CSGALNACT1: variants seen among roughly 807,000 people sequenced by gnomAD.
CSGALNACT1 encodes the protein chondroitin sulfate N-acetylgalactosaminyltransferase 1.
In CSGALNACT1, 52 loss-of-function variants were observed where a neutral mutation model predicts 51.0. The ratio of observed to expected loss-of-function variants is 1.02; its 90% CI spans 0.82 to 1.29. The LOEUF is 1.29. Among genes scored for constraint, CSGALNACT1 ranks in the 50% most tolerant of loss-of-function variants. CSGALNACT1 has a pLI of 0.00. For synonymous variants in CSGALNACT1, 341 were observed against 254.4 expected, an observed-to-expected ratio of 1.34 and a Z score of -3.24; for missense variants, 935 against 679.2, an observed-to-expected ratio of 1.38 and a Z score of -4.19.
chr8:19,605,403 T>C (rs1334411717), upstream of CSGALNACT1, among the ~76,000 whole-genome samples: 1 of 152,198 alleles, frequency 6.6e-6, no homozygotes, highest in African/African-American at 2.4e-5. Context: ...GCCACTGCAC[T>C]CCAGCCTGGG....
intron 4 of CSGALNACT1, among the ~76,000 whole-genome samples, chr8:19,497,820 A>G (rs957720024): frequency 2.0e-5 from 3 of 152,118 alleles, no homozygotes; most frequent in African/African-American, 7.2e-5. Context: ...CCCTGAGATA[A>G]ATGCATATCT....
At chr8:19,570,134 G>T (rs1286686401) in intron 3 of CSGALNACT1, among the ~76,000 whole-genome samples, 2 of 151,320 alleles carry the variant, frequency 1.3e-5, no homozygotes, top group East Asian at 1.9e-4. Flanking sequence ...ATCTTGATTT[G>T]TGTGGTGATT....
intron 3 of CSGALNACT1, among the ~76,000 whole-genome samples, chr8:19,534,313 G>A (rs2083341091): frequency 6.6e-6 from 1 of 152,030 alleles, no homozygotes; most frequent in South Asian, 2.1e-4. Context: ...AATTAGCCAG[G>A]TGTGGCAGGT....
chr8:19,747,745 A>T lies in CSGALNACT1; in HGVS notation c.-297+10105T>A, dbSNP rs190536148. 6.6e-5 allele frequency among the ~76,000 whole-genome samples: 10 copies of T among 152,242 alleles called. No homozygotes were observed. In the East Asian group the frequency reaches 1.7e-3, roughly 26 times the overall value. On this transcript the variant is annotated intron_variant, in intron 1 of 1. Coordinates refer to the CSGALNACT1 transcript ENST00000517494. ...CAGGGCTACAGAGTGAGTCAGCTACAGAGCTCTGTCTCCACCAAGCTAGTT... is the reference window on the plus strand; with the variant it reads ...CAGGGCTACAGAGTGAGTCAGCTACTGAGCTCTGTCTCCACCAAGCTAGTT...
intron 1 of CSGALNACT1, among the ~76,000 whole-genome samples, chr8:19,636,095 T>C (rs147619316): frequency 1.2e-3 from 177 of 152,310 alleles, no homozygotes; most frequent in Non-Finnish European, 2.2e-3. Context: ...TATGCCGTAG[T>C]CCCGCTTATC....
intron 6 of CSGALNACT1, among the ~76,000 whole-genome samples, chr8:19,431,232 G>C (rs1392309179): frequency 1.3e-5 from 2 of 152,174 alleles, no homozygotes; most frequent in East Asian, 3.9e-4. Flanking sequence ...AGACACCTTT[G>C]TCTTGTTCTT....
chr8:19,748,839 C>T (rs1471075218), intron 1 of CSGALNACT1, among the ~76,000 whole-genome samples: 2 of 152,008 alleles, frequency 1.3e-5, no homozygotes, highest in Non-Finnish European at 2.9e-5. Context: ...GTGGCGAGTG[C>T]CTGTAATCCC....
At chr8:19,505,311 T>A (rs1206089672) in exon 4 of CSGALNACT1, 1 of 1,614,190 alleles carries the variant, frequency 6.2e-7, no homozygotes, top group Non-Finnish European at 8.5e-7. Flanking sequence ...ATCCCGCTTG[T>A]CCTTCCTCAC....
At chr8:19,446,800 C>A (rs1042950552) in intron 5 of CSGALNACT1, among the ~76,000 whole-genome samples, 1 of 152,134 alleles carries the variant, frequency 6.6e-6, no homozygotes, top group Non-Finnish European at 1.5e-5. Flanking sequence ...AGGTGTGAGC[C>A]GCCATGTCCG....
At chr8:19,555,780 G>A (rs2089569227) in intron 3 of CSGALNACT1, among the ~76,000 whole-genome samples, 1 of 152,092 alleles carries the variant, frequency 6.6e-6, no homozygotes, top group Non-Finnish European at 1.5e-5. Context: ...TTAATTGCCT[G>A]TGCCTAAAAA....
chr8:19,523,784 G>T (rs561546815), intron 3 of CSGALNACT1, among the ~76,000 whole-genome samples: 1 of 152,172 alleles, frequency 6.6e-6, no homozygotes, highest in Non-Finnish European at 1.5e-5. Context: ...CAGGGTAATG[G>T]GGAGTGGCAA....
At chr8:19,486,930 C>G (rs548588872) in intron 4 of CSGALNACT1, among the ~76,000 whole-genome samples, 1 of 152,158 alleles carries the variant, frequency 6.6e-6, no homozygotes, top group Admixed American at 6.5e-5. Flanking sequence ...GAAAAGGTAA[C>G]CAAAAAGGCT....
At chr8:19,503,632 G>C (rs2076795164) in intron 4 of CSGALNACT1, among the ~76,000 whole-genome samples, 1 of 151,736 alleles carries the variant, frequency 6.6e-6, no homozygotes, top group African/African-American at 2.4e-5. Flanking sequence ...TAATACATGT[G>C]GAAATGCTTT....
At chr8:19,630,924 C>T (rs1014486561) in intron 1 of CSGALNACT1, among the ~76,000 whole-genome samples, 6 of 152,050 alleles carry the variant, frequency 3.9e-5, no homozygotes, top group Non-Finnish European at 8.8e-5. Context: ...ATCTTGTATC[C>T]GTTTGGTACA....
chr8:19,638,597 A>G (rs914348984), intron 1 of CSGALNACT1, among the ~76,000 whole-genome samples: 4 of 152,258 alleles, frequency 2.6e-5, no homozygotes, highest in Non-Finnish European at 5.9e-5. Flanking sequence ...ATGTATTATA[A>G]TTAAATAAAA....
At chr8:19,533,419 A>G (rs1031683780) in intron 3 of CSGALNACT1, among the ~76,000 whole-genome samples, 3 of 151,968 alleles carry the variant, frequency 2.0e-5, no homozygotes, top group African/African-American at 4.8e-5. Context: ...ATGAGTCCCT[A>G]TTTTTAATTT....
chr8:19,453,282 C>T (rs1166415189), intron 5 of CSGALNACT1, among the ~76,000 whole-genome samples: 1 of 152,102 alleles, frequency 6.6e-6, no homozygotes, highest in Non-Finnish European at 1.5e-5. Flanking sequence ...AACAGAATAA[C>T]ATTAGCAGGC....
chr8:19,469,491 A>T (rs912049129), intron 4 of CSGALNACT1, among the ~76,000 whole-genome samples: 3 of 152,200 alleles, frequency 2.0e-5, no homozygotes, highest in African/African-American at 4.8e-5. Context: ...TCAGGGGTGT[A>T]AGACAGCCTG....
upstream of CSGALNACT1, among the ~76,000 whole-genome samples, chr8:19,686,279 G>A (rs546235150): frequency 1.8e-4 from 27 of 152,216 alleles, no homozygotes; most frequent in African/African-American, 5.8e-4. Context: ...GATAACAACG[G>A]ATGGACTGAA....
Sources: allele counts gnomAD v4.1 joint callset (sites outside exome capture counted in the v4.1 genomes callset), GRCh38; gene constraint gnomAD v4.1.1; transcripts MANE v1.5; gene names NCBI Gene and HGNC (gene_info 2026-07-23, HGNC 2026-07-21).